Variants in RASL12 observed in about 807,000 individuals in gnomAD.
RASL12 encodes the protein RAS like family 12.
A neutral mutation model predicts 22.9 loss-of-function variants in RASL12; 16 were observed. The observed-to-expected ratio is 0.70, with a 90% CI of 0.47 to 1.06. The LOEUF is 1.06. Ranked by LOEUF, RASL12 falls within the 50% of genes least tolerant of loss-of-function variation. The probability of loss-of-function intolerance (pLI) is 0.00; values close to 1 mark genes in which losing one functional copy is unlikely to be tolerated. For synonymous variants in RASL12, 159 were observed against 152.2 expected, an observed-to-expected ratio of 1.04 and a Z score of -0.33; for missense variants, 306 against 353.1, an observed-to-expected ratio of 0.87 and a Z score of 1.07.
At chr15:65,050,836 C>CTTCTTTTTTT (rs759242705), downstream of RASL12, among the ~76,000 whole-genome samples, 1 of 95,650 alleles carries the variant, frequency 1.0e-5, no homozygotes, top group African/African-American at 4.3e-5. Context: ...TCTTCTTCTT[C>CTTCTTTTTTT]TTTTTTTTTT....
intron 1 of RASL12, among the ~76,000 whole-genome samples, chr15:65,074,271 G>A (rs754526535): frequency 6.6e-6 from 1 of 152,192 alleles, no homozygotes; most frequent in Non-Finnish European, 1.5e-5. Flanking sequence ...TTCTGCCCCA[G>A]CTTCTTCCTA....
At chr15:65,074,797 A>G (rs1410201275) in intron 1 of RASL12, among the ~76,000 whole-genome samples, 1 of 152,258 alleles carries the variant, frequency 6.6e-6, no homozygotes, top group Admixed American at 6.5e-5. Flanking sequence ...AGCAGCCCTC[A>G]GTGCGCCCGC....
chr15:65,069,266 T>C (rs947844531), upstream of RASL12, among the ~76,000 whole-genome samples: 3 of 152,242 alleles, frequency 2.0e-5, no homozygotes. Flanking sequence ...AGCTGTGTTA[T>C]TAAGGTAGTG....
chr15:65,061,612 T>C (rs1285623736), intron 2 of RASL12, among the ~76,000 whole-genome samples: 1 of 152,180 alleles, frequency 6.6e-6, no homozygotes, highest in Non-Finnish European at 1.5e-5. Flanking sequence ...GTAATTAATA[T>C]CCTGTGGACT....
the RASL12 span, among the ~76,000 whole-genome samples, chr15:65,045,845 A>G: frequency 6.6e-6 from 1 of 152,376 alleles, no homozygotes; most frequent in South Asian, 2.1e-4. Flanking sequence ...CTCACTTTAG[A>G]AGCAAACTGG....
At chr15:65,063,005 C>T (rs980053223) in intron 2 of RASL12, among the ~76,000 whole-genome samples, 1 of 152,138 alleles carries the variant, frequency 6.6e-6, no homozygotes, top group African/African-American at 2.4e-5. Context: ...CATTGTGGGG[C>T]TGCCCACTTC....
At chr15:65,067,676 C>A in intron 1 of RASL12, 57 bp downstream of exon 1, 1 of 1,492,410 alleles carries the variant, frequency 6.7e-7, no homozygotes, top group Non-Finnish European at 8.9e-7. Flanking sequence ...AGCCCACTGT[C>A]CCCCCACCCA....
upstream of RASL12, among the ~76,000 whole-genome samples, chr15:65,072,428 T>A (rs1279927326): frequency 6.6e-6 from 1 of 152,138 alleles, no homozygotes; most frequent in East Asian, 1.9e-4. Flanking sequence ...TGCATATGTA[T>A]CCTAAGGGGG....
In RASL12 at chr15:65,065,168, A is replaced by G. The variant is rs781687201; in HGVS notation, c.160+49T>C. On this transcript the variant is annotated intron_variant, in intron 2 of 4. Transcript: ENST00000220062. ...CCCACGGGGTGGGTCCCAGGAGAGC[A>G]CTCCAGATGGGGCACAGGCAGCAGA... 9 of 1,580,430 alleles carry G rather than the reference A, an allele frequency of 5.7e-6. No homozygotes were observed. In the Admixed American group the frequency reaches 1.6e-4, roughly 28 times the overall value.
At chr15:65,050,240 T>A, downstream of RASL12, 1 of 695,946 alleles carries the variant, frequency 1.4e-6, no homozygotes. Flanking sequence ...AGTCGGGGTG[T>A]CTCAGTACCC....
downstream of RASL12, among the ~76,000 whole-genome samples, chr15:65,050,810 CTTTT>C (rs111590431): frequency 3.1e-4 from 39 of 127,794 alleles, no homozygotes; most frequent in African/African-American, 1.1e-3. Flanking sequence ...TCTTTCTTTC[CTTTT>C]TTTTTCTTTC....
intron 1 of RASL12, among the ~76,000 whole-genome samples, chr15:65,066,044 A>G (rs546685957): frequency 4.2e-4 from 58 of 137,114 alleles, no homozygotes; most frequent in Non-Finnish European, 8.1e-4. Flanking sequence ...AGAAGAGTAG[A>G]GAAGAGAAGA....
chr15:65,050,024 C>T, downstream of RASL12: 2 of 1,551,448 alleles, frequency 1.3e-6, no homozygotes. Context: ...AGTGAGGGGG[C>T]TCCCGGAGAC....
intron 1 of RASL12, among the ~76,000 whole-genome samples, chr15:65,066,657 C>T (rs1002759007): frequency 2.6e-5 from 4 of 152,074 alleles, no homozygotes; most frequent in Admixed American, 6.6e-5. Context: ...TAAACGGTAC[C>T]GGTTACAGAG....
At position 65,065,625 on chromosome 15, in the gene RASL12, C is replaced by T. The variant is rs146347663; in HGVS notation, c.104-352G>A. ...TGAAACCTCAACTGAAGGGAGGTGT[C>T]GCCCACCCCGGACAAGTCACAGAGA... is the stretch of plus-strand genomic sequence containing the variant. On this transcript the variant is annotated intron_variant, in intron 1 of 4. Coordinates refer to ENST00000220062, the MANE Select transcript of RASL12 (RefSeq NM_016563.4). 2.3e-3 allele frequency among the ~76,000 whole-genome samples: 348 copies of T among 152,224 alleles called. 3 individuals are homozygous for T. The highest frequency in any genetic ancestry group is 7.9e-3 in the African/African-American group (330 of 41,536).
At chr15:65,048,941 C>T (rs908013145), downstream of RASL12, among the ~76,000 whole-genome samples, 5 of 138,882 alleles carry the variant, frequency 3.6e-5, no homozygotes, top group Non-Finnish European at 7.6e-5. Flanking sequence ...ACCTGGGAGG[C>T]GGAGGTTGCA....
intron 2 of RASL12, among the ~76,000 whole-genome samples, chr15:65,061,311 G>T (rs968018525): frequency 6.6e-6 from 1 of 152,238 alleles, no homozygotes; most frequent in Non-Finnish European, 1.5e-5. Flanking sequence ...CTCACCCCGT[G>T]ACTGCTCAGT....
At chr15:65,061,973 C>A (rs1046631579) in intron 2 of RASL12, among the ~76,000 whole-genome samples, 1 of 150,930 alleles carries the variant, frequency 6.6e-6, no homozygotes, top group East Asian at 2.0e-4. Flanking sequence ...CCCAGCTACT[C>A]GGGAGGCTGA....
At chr15:65,071,937 C>T (rs2086934769), upstream of RASL12, among the ~76,000 whole-genome samples, 1 of 152,170 alleles carries the variant, frequency 6.6e-6, no homozygotes, top group African/African-American at 2.4e-5. Flanking sequence ...CCTCACATCC[C>T]CATTCATAAC....
Sources: gnomAD v4.1 joint callset for allele counts (sites outside exome capture counted in the v4.1 genomes callset) on GRCh38, gnomAD v4.1.1 for gene constraint, MANE v1.5 for transcripts, NCBI Gene and HGNC (gene_info 2026-07-23, HGNC 2026-07-21) for gene names.